The following SORBS2 variants were observed in gnomAD, a reference collection of about 807,000 sequenced individuals.
SORBS2 encodes sorbin and SH3 domain containing 2, also known as sorbin and SH3 domain-containing protein 2.
A neutral mutation model predicts 97.7 loss-of-function variants in SORBS2; 46 were observed. That is an observed-to-expected ratio of 0.47 (90% CI 0.37 to 0.60). The LOEUF (loss-of-function observed/expected upper bound fraction) is 0.60, where lower values mean the gene tolerates loss of function less well. SORBS2 is among the 20% of genes least tolerant of loss of function. The probability of loss-of-function intolerance (pLI) is 0.00; values close to 1 mark genes in which losing one functional copy is unlikely to be tolerated. For missense variants in SORBS2, 1,316 were observed against 1,282.3 expected, an observed-to-expected ratio of 1.03 and a Z score of -0.40; for synonymous variants, 476 against 473.4, an observed-to-expected ratio of 1.01 and a Z score of -0.07.
chr4:185,942,316 A>G (rs1389058182), intron 1 of SORBS2, among the ~76,000 whole-genome samples: 5 of 151,502 alleles, frequency 3.3e-5, no homozygotes, highest in Non-Finnish European at 7.4e-5. Flanking sequence ...ATCGAACAGG[A>G]CCTTCATTTA....
intron 1 of SORBS2, among the ~76,000 whole-genome samples, chr4:185,888,277 T>C (rs1209681688): frequency 1.3e-5 from 2 of 152,274 alleles, no homozygotes; most frequent in Non-Finnish European, 1.5e-5. Flanking sequence ...CTGGATTATC[T>C]GGATGGGCTC....
chr4:185,596,638 G>A (rs994618764), intron 12 of SORBS2, among the ~76,000 whole-genome samples: 3 of 146,882 alleles, frequency 2.0e-5, no homozygotes, highest in Non-Finnish European at 4.5e-5. Context: ...GGGTTCAAGC[G>A]ATTCTCCTGC....
At chr4:185,629,936 G>A (rs1217692180) in intron 5 of SORBS2, among the ~76,000 whole-genome samples, 2 of 152,166 alleles carry the variant, frequency 1.3e-5, no homozygotes, top group Admixed American at 6.5e-5. Flanking sequence ...TCTGAGGGAA[G>A]TTAGGCCTAG....
chr4:185,707,216 G>A (rs1371775068), intron 2 of SORBS2, among the ~76,000 whole-genome samples: 1 of 152,064 alleles, frequency 6.6e-6, no homozygotes, highest in Non-Finnish European at 1.5e-5. Flanking sequence ...TTATTTTACT[G>A]CAAAGAAACG....
intron 1 of SORBS2, among the ~76,000 whole-genome samples, chr4:185,940,351 A>T (rs185664678): frequency 0.01 from 1,536 of 152,220 alleles, 13 homozygotes; most frequent in Non-Finnish European, 0.014. Context: ...TTCCTCATAA[A>T]TGTGCTTTTC....
intron 1 of SORBS2, among the ~76,000 whole-genome samples, chr4:185,798,660 C>T (rs1039558817): frequency 3.9e-5 from 6 of 152,184 alleles, no homozygotes; most frequent in South Asian, 2.1e-4. Flanking sequence ...CAGAAAAAAG[C>T]GTCTCGAAAG....
Position 185,606,976 on chromosome 4 carries a change from G to A in SORBS2, c.2796+4804C>T, listed in dbSNP as rs1052453545. On this transcript the variant is annotated intron_variant, in intron 12 of 14. Coordinates refer to ENST00000418609, the Ensembl canonical transcript of SORBS2. This position sits in a 1 kb window ranked among gnomAD's most constrained non-coding sequence, Gnocchi z 4.3. ...AAAGTTGCTTTGAGTTGTCGTTCTGGGATCCTGAAGAGGCTCTGCATGGTA... is the reference window on the plus strand; with the variant it reads ...AAAGTTGCTTTGAGTTGTCGTTCTGAGATCCTGAAGAGGCTCTGCATGGTA... 4.0e-6 allele frequency: 4 copies of A among 993,946 alleles called. No homozygotes were observed. The African/African-American group carries it at 7.0e-5, about 17-fold the overall frequency. 61.6% of individuals were successfully genotyped at this position (993,946 alleles called of 1,614,324 possible).
chr4:185,755,102 T>C (rs562972135), intron 2 of SORBS2, among the ~76,000 whole-genome samples: 12 of 152,360 alleles, frequency 7.9e-5, no homozygotes, highest in African/African-American at 2.2e-4. Flanking sequence ...AGAATGCCGA[T>C]TGGAAATATA....
At chr4:185,888,900 T>G (rs1436610789) in intron 1 of SORBS2, among the ~76,000 whole-genome samples, 3 of 152,250 alleles carry the variant, frequency 2.0e-5, no homozygotes, top group African/African-American at 7.2e-5. Context: ...TATTTAGCAT[T>G]GTATTCAGGG....
intron 9 of SORBS2, among the ~76,000 whole-genome samples, chr4:185,617,186 A>C (rs2096642299): frequency 6.6e-6 from 1 of 152,258 alleles, no homozygotes; most frequent in African/African-American, 2.4e-5. Flanking sequence ...GAAGAAATGA[A>C]ACGTGTGCTC....
intron 1 of SORBS2, among the ~76,000 whole-genome samples, chr4:185,918,688 C>T (rs1197547645): frequency 6.6e-6 from 1 of 152,194 alleles, no homozygotes; most frequent in East Asian, 1.9e-4. Context: ...GGGAGCAGAG[C>T]CCCTACAATA....
intron 1 of SORBS2, among the ~76,000 whole-genome samples, chr4:185,807,363 C>T (rs1010314390): frequency 1.3e-5 from 2 of 152,082 alleles, no homozygotes; most frequent in African/African-American, 4.8e-5. Flanking sequence ...TGAATTTTTG[C>T]TCAAATAATG....
intron 2 of SORBS2, among the ~76,000 whole-genome samples, chr4:185,744,253 G>A (rs893437724): frequency 2.6e-5 from 4 of 152,092 alleles, no homozygotes; most frequent in African/African-American, 9.7e-5. Flanking sequence ...GTGGGCTGGT[G>A]GTTTTGAAAC....
At chr4:185,654,953 C>T (rs892703397) in intron 1 of SORBS2, among the ~76,000 whole-genome samples, 5 of 152,136 alleles carry the variant, frequency 3.3e-5, no homozygotes, top group African/African-American at 7.2e-5. Context: ...TATACAGTGA[C>T]TCTGTTCTAT....
At chr4:185,641,385 AGTGGCAGAAC>A (rs2097124238) in intron 4 of SORBS2, among the ~76,000 whole-genome samples, 2 of 152,212 alleles carry the variant, frequency 1.3e-5, no homozygotes, top group Non-Finnish European at 2.9e-5. Context: ...AGGAAGTGTT[AGTGGCAGAAC>A]TAGAATTTTC....
At chr4:185,879,177 A>AC (rs1480115054) in intron 1 of SORBS2, among the ~76,000 whole-genome samples, 5 of 37,672 alleles carry the variant, frequency 1.3e-4, no homozygotes, top group South Asian at 9.2e-4. Flanking sequence ...CCCCCCCCCC[A>AC]CCCCACGACA....
chr4:185,823,284 T>A (rs2099197895), intron 1 of SORBS2, among the ~76,000 whole-genome samples: 1 of 152,232 alleles, frequency 6.6e-6, no homozygotes, highest in South Asian at 2.1e-4. Flanking sequence ...CTAAATTGAT[T>A]GAGACCTGTC....
At chr4:185,616,546 T>A (rs908105499) in intron 9 of SORBS2, among the ~76,000 whole-genome samples, 1 of 152,352 alleles carries the variant, frequency 6.6e-6, no homozygotes, top group Admixed American at 6.5e-5. Flanking sequence ...ACTAGCTTTT[T>A]AAAATATAAT....
chr4:185,592,180 T>G (rs1261177983), intron 13 of SORBS2: 1 of 152,596 alleles, frequency 6.6e-6, no homozygotes, highest in Non-Finnish European at 1.5e-5. Flanking sequence ...TGCAACTTTT[T>G]CTAGAACATA....
Sources: allele counts gnomAD v4.1 joint callset (sites outside exome capture counted in the v4.1 genomes callset), GRCh38; gene constraint gnomAD v4.1.1; non-coding constraint Gnocchi (gnomAD v3.1); transcripts MANE v1.5; gene names NCBI Gene and HGNC (gene_info 2026-07-23, HGNC 2026-07-21).